The following RNASEH2B variants were observed in gnomAD, a reference collection of about 807,000 sequenced individuals.
The protein encoded by RNASEH2B is Aicardi-Goutieres syndrome 2 protein.
In RNASEH2B, 36 loss-of-function variants were observed where a neutral mutation model predicts 45.0. That is an observed-to-expected ratio of 0.80 (90% CI 0.61 to 1.06). The LOEUF (loss-of-function observed/expected upper bound fraction) is 1.06. Ranked by LOEUF, RNASEH2B falls within the 50% of genes least tolerant of loss-of-function variation. The pLI, the probability that RNASEH2B is intolerant of heterozygous loss-of-function variation, is 0.00. For synonymous variants in RNASEH2B, 119 were observed against 125.7 expected (o/e 0.95, Z 0.35); for missense variants, 361 against 360.3 (o/e 1.00, Z -0.02).
At chr13:50,934,725 C>T (rs142546333) in intron 4 of RNASEH2B, 160 bp from the exon 5 acceptor site, 28 of 651,008 alleles carry the variant, frequency 4.3e-5, no homozygotes, top group African/African-American at 7.2e-5. Flanking sequence ...AGCTGGGGTC[C>T]GTCCTAGAGC....
intron 9 of RNASEH2B, among the ~76,000 whole-genome samples, chr13:50,965,100 C>G (rs777114141): frequency 9.2e-5 from 14 of 152,212 alleles, no homozygotes; most frequent in Admixed American, 4.6e-4. Context: ...GAGACTATAA[C>G]ACAGAGCTGA....
At chr13:50,937,494 C>T (rs959947674) in intron 5 of RNASEH2B, 9 of 151,876 alleles carry the variant, frequency 5.9e-5, no homozygotes, top group African/African-American at 1.2e-4. Context: ...CCTAAAGTGC[C>T]GAGATTATAG....
intron 2 of RNASEH2B, among the ~76,000 whole-genome samples, chr13:50,928,924 C>T (rs528521134): frequency 5.0e-4 from 74 of 148,032 alleles, no homozygotes; most frequent in African/African-American, 1.8e-3. Flanking sequence ...CCCTCTTGTG[C>T]CTCCTCCCTT....
intron 4 of RNASEH2B, among the ~76,000 whole-genome samples, chr13:50,932,892 T>C (rs1220144752): frequency 6.6e-6 from 1 of 152,254 alleles, no homozygotes; most frequent in Non-Finnish European, 1.5e-5. Context: ...TGTTTTCTCT[T>C]GATGCAGCTT....
At chr13:50,931,397 A>G (rs1395645449) in intron 4 of RNASEH2B, among the ~76,000 whole-genome samples, 1 of 152,242 alleles carries the variant, frequency 6.6e-6, no homozygotes, top group African/African-American at 2.4e-5. Flanking sequence ...CTTAGAAATT[A>G]AAACTGAGAG....
At chr13:50,957,044 T>C (rs1161365054), downstream of RNASEH2B, among the ~76,000 whole-genome samples, 1 of 152,146 alleles carries the variant, frequency 6.6e-6, no homozygotes, top group East Asian at 1.9e-4. Flanking sequence ...GATAATGTAT[T>C]GTCTTATAAT....
rs367915667 is a variant in RNASEH2B at position 50,948,069 on chromosome 13, G to A, written c.698+1G>A. 1.2e-6 allele frequency: 2 copies of A among 1,610,488 alleles called. No homozygotes were observed. Among genetic ancestry groups the A allele is most frequent in the African/African-American group, 2.7e-5 (2 of 74,818 alleles). ...GTGATGACTTATCTAAATACTTAAA[G>A]TGAGTATTGATTATCTTCAGTCATA... is the stretch of plus-strand genomic sequence containing the variant. On this transcript the variant is annotated splice_donor_variant, in intron 8 of 10. Transcript: ENST00000336617. LOFTEE classifies it high-confidence loss of function.
chr13:50,969,908 C>T, intron 9 of RNASEH2B: 1 of 1,550,616 alleles, frequency 6.4e-7, no homozygotes, highest in Non-Finnish European at 8.7e-7. Flanking sequence ...CAGGACACAC[C>T]ACATGTTTTC....
At chr13:50,927,106 C>A (rs1429968053) in intron 1 of RNASEH2B, 1 of 362,154 alleles carries the variant, frequency 2.8e-6, no homozygotes, top group East Asian at 6.8e-5. Flanking sequence ...GAGATTAAGA[C>A]CCTTGCCCAG....
intron 8 of RNASEH2B, chr13:50,948,607 A>G (rs1324969167): frequency 1.3e-5 from 2 of 152,554 alleles, no homozygotes; most frequent in East Asian, 1.9e-4. Context: ...AAGAGCTTAT[A>G]CATTTAGACT....
intron 5 of RNASEH2B, chr13:50,941,149 T>C (rs1324292560): frequency 1.3e-5 from 2 of 152,276 alleles, no homozygotes; most frequent in East Asian, 3.8e-4. Flanking sequence ...TAACAAATCA[T>C]ATTTTTCATC....
At chr13:50,922,873 A>C (rs1280786943) in intron 1 of RNASEH2B, among the ~76,000 whole-genome samples, 1 of 152,248 alleles carries the variant, frequency 6.6e-6, no homozygotes, top group Non-Finnish European at 1.5e-5. Context: ...TATTCTACAA[A>C]GATTTTATTC....
chr13:50,944,072 G>T (rs1223689321), intron 6 of RNASEH2B, among the ~76,000 whole-genome samples: 1 of 151,244 alleles, frequency 6.6e-6, no homozygotes, highest in Admixed American at 6.6e-5. Flanking sequence ...GACGGGATGG[G>T]ATGGGATGGG....
At chr13:50,916,941 CTGAG>C (rs1347061658) in intron 1 of RNASEH2B, among the ~76,000 whole-genome samples, 1 of 152,202 alleles carries the variant, frequency 6.6e-6, no homozygotes, top group Admixed American at 6.5e-5. Flanking sequence ...TTCTGCCTCT[CTGAG>C]TGTTAACTTC....
intron 9 of RNASEH2B, among the ~76,000 whole-genome samples, chr13:50,966,466 C>T (rs1470360089): frequency 6.6e-6 from 1 of 152,156 alleles, no homozygotes; most frequent in Non-Finnish European, 1.5e-5. Context: ...ACTGCAAAAC[C>T]ACTTGGGTAC....
intron 1 of RNASEH2B, among the ~76,000 whole-genome samples, chr13:50,919,718 G>A (rs1951492361): frequency 6.6e-6 from 1 of 152,156 alleles, no homozygotes; most frequent in Admixed American, 6.5e-5. Flanking sequence ...TAAAACATTG[G>A]CTCTGGATAA....
chr13:50,966,698 C>G (rs1952168064), intron 9 of RNASEH2B, among the ~76,000 whole-genome samples: 1 of 152,106 alleles, frequency 6.6e-6, no homozygotes, highest in Non-Finnish European at 1.5e-5. Flanking sequence ...GTGGAATTGT[C>G]TTTTGTTTGT....
chr13:50,958,366 A>G (rs796565373), downstream of RNASEH2B, among the ~76,000 whole-genome samples: 4 of 151,972 alleles, frequency 2.6e-5, no homozygotes, highest in African/African-American at 9.6e-5. Flanking sequence ...CCCATTGCTT[A>G]TTTTTGTTGA....
chr13:50,956,503 A>G lies in RNASEH2B; in HGVS notation c.*29A>G, dbSNP rs1200577478. ...TTTGAAAATAAAATCTAGCAAAAATATTTGCTTTTTACATGTTTCAGTTTG... is the reference window on the plus strand; with the variant it reads ...TTTGAAAATAAAATCTAGCAAAAATGTTTGCTTTTTACATGTTTCAGTTTG... On this transcript the variant is annotated 3_prime_UTR_variant, in exon 11 of 11. Transcript: ENST00000336617. The G allele has an allele frequency of 6.3e-6, 10 of 1,581,540 alleles. No homozygotes were observed. The highest frequency in any genetic ancestry group is 1.8e-4 in the Middle Eastern group (1 of 5,536).
Sources: allele counts gnomAD v4.1 joint callset (sites outside exome capture counted in the v4.1 genomes callset), GRCh38; gene constraint gnomAD v4.1.1; transcripts MANE v1.5; gene names NCBI Gene and HGNC (gene_info 2026-07-23, HGNC 2026-07-21).